The following FAT4 variants were observed in gnomAD, a reference collection of about 807,000 sequenced individuals.
FAT4 encodes protocadherin Fat 4.
FAT4 carries 84 observed loss-of-function variants against 303.9 expected under a neutral mutation model. That is an observed-to-expected ratio of 0.28 (90% CI 0.23 to 0.33). The LOEUF is 0.33. FAT4 is among the 10% of genes least tolerant of loss of function. The pLI, the probability that FAT4 is intolerant of heterozygous loss-of-function variation, is 1.00. For missense variants in FAT4, 6,005 were observed against 6,146.8 expected (o/e 0.98, Z 0.77); for synonymous variants, 2,307 against 2,298.8 (o/e 1.00, Z -0.10).
intron 2 of FAT4, among the ~76,000 whole-genome samples, chr4:125,360,028 G>A (rs1262770571): frequency 1.3e-5 from 2 of 152,066 alleles, no homozygotes; most frequent in African/African-American, 2.4e-5. Context: ...CTAAATTCAA[G>A]TGTCCTAAAC....
In FAT4 at chr4:125,319,370, C is replaced by T; in HGVS notation, c.2959C>T (p.His987Tyr). ...TAGTGTCATCTTAACAGTTTATGTC[C>T]ATGATGTAAATGACAATTCACCAGT... ...SSSVILTVYVHDVNDNSPVFD... is the reference protein window; with the variant it reads ...SSSVILTVYVYDVNDNSPVFD... Residue 987 changes from histidine (H) to tyrosine (Y), a missense_variant, in exon 2 of 18, where the codon CAT (histidine) becomes TAT (tyrosine). Coordinates refer to ENST00000394329, the MANE Select transcript of FAT4 (RefSeq NM_001291303.3). The T allele has an allele frequency of 6.2e-7, 1 of 1,612,032 alleles. No homozygotes were observed. Among genetic ancestry groups the T allele is most frequent in the Non-Finnish European group, 8.5e-7 (1 of 1,178,572 alleles).
intron 2 of FAT4, among the ~76,000 whole-genome samples, chr4:125,396,640 G>A (rs1468705247): frequency 2.6e-5 from 4 of 151,830 alleles, no homozygotes; most frequent in Non-Finnish European, 5.9e-5. Flanking sequence ...GCATGCATGC[G>A]AGCACACATG....
intron 2 of FAT4, among the ~76,000 whole-genome samples, chr4:125,396,308 T>TA (rs1044068846): frequency 6.6e-6 from 1 of 152,072 alleles, no homozygotes; most frequent in South Asian, 2.1e-4. Flanking sequence ...ACATATAACC[T>TA]AAAAAAATCA....
intron 2 of FAT4, among the ~76,000 whole-genome samples, chr4:125,329,174 T>A (rs2125955384): frequency 6.6e-6 from 1 of 152,292 alleles, no homozygotes; most frequent in African/African-American, 2.4e-5. Context: ...TTTTCTTCCC[T>A]TTGCAGCAAA....
rs139916054 is a variant in FAT4 at position 125,490,696 on chromosome 4, C to A, written c.13880C>A (p.Ala4627Asp). 1 of 1,614,012 alleles carries A rather than the reference C, an allele frequency of 6.2e-7. No individual in the cohort carries two copies. The highest frequency in any genetic ancestry group is 8.5e-7 in the Non-Finnish European group (1 of 1,180,026). ...ATAGAGCACTATGACATTGACAACG[C>A]CAGCAGCATCGCCCCTTCGGATGCA... is the stretch of plus-strand genomic sequence containing the variant. ...QEIEHYDIDN[A>D]SSIAPSDADI... Residue 4627 changes from alanine (A) to aspartate (D), a missense_variant, in exon 18 of 18, where the codon GCC becomes GAC. Physicochemically the swap from Ala to Asp is moderately radical, Grantham distance 126 (BLOSUM62 -2). Transcript: ENST00000394329.
intron 2 of FAT4, among the ~76,000 whole-genome samples, chr4:125,365,486 C>T (rs981674677): frequency 1.3e-5 from 2 of 152,128 alleles, no homozygotes; most frequent in African/African-American, 2.4e-5. Context: ...GTTTTGCTCT[C>T]TATTGTCTTT....
At chr4:125,489,868 T>TTTTTTTG in intron 17 of FAT4, 33 bp from the exon 18 acceptor site, 2 of 1,004,878 alleles carry the variant, frequency 2.0e-6, no homozygotes, top group South Asian at 3.6e-5. Flanking sequence ...TTTTTTTTTT[T>TTTTTTTG]GTAAAAAGCC....
intron 3 of FAT4, among the ~76,000 whole-genome samples, chr4:125,406,187 T>C (rs868518519): frequency 6.6e-6 from 1 of 152,190 alleles, no homozygotes; most frequent in Non-Finnish European, 1.5e-5. Context: ...TATTTGTGTA[T>C]AATGTATATT....
At position 125,414,918 on chromosome 4, in the gene FAT4, A is replaced by G; in HGVS notation, c.5955A>G (p.Ser1985=). 1 of 1,608,002 alleles carries G rather than the reference A, an allele frequency of 6.2e-7. No individual in the cohort carries two copies. The highest frequency in any genetic ancestry group is 8.5e-7 in the Non-Finnish European group (1 of 1,175,256). The part of the protein sequence containing the change: ...INSQLTYSIA[S]GDSLGQFTVD... ...CTCAATTGACTTATAGCATTGCTTC[A>G]GGTGATAGCCTTGGGCAGTTTACTG... Residue 1985 remains serine, a synonymous_variant, in exon 6 of 18, where the codon TCA becomes TCG. Transcript: ENST00000394329.
At chr4:125,387,705 A>G (rs575269236) in intron 2 of FAT4, among the ~76,000 whole-genome samples, 9 of 152,338 alleles carry the variant, frequency 5.9e-5, no homozygotes, top group Non-Finnish European at 1.2e-4. Context: ...AGGAAAAGGT[A>G]TTAATAGATT....
intron 16 of FAT4, among the ~76,000 whole-genome samples, chr4:125,482,850 T>A (rs1727275749): frequency 6.6e-6 from 1 of 152,212 alleles, no homozygotes; most frequent in South Asian, 2.1e-4. Flanking sequence ...TAAATATATT[T>A]AATAAGTAGT....
chr4:125,382,012 C>T lies in FAT4; in HGVS notation c.5176-16772C>T, dbSNP rs1408737750. The stretch of plus-strand genomic sequence containing the variant: ...TCTTGTGACTGTGGAAATTCAGTCA[C>T]ATCTTTTGGCTCTACTTCTAATTCT... On this transcript the variant is annotated intron_variant, in intron 2 of 17. Coordinates refer to ENST00000394329, the MANE Select transcript of FAT4 (RefSeq NM_001291303.3). 5.9e-5 allele frequency among the ~76,000 whole-genome samples: 9 copies of T among 152,282 alleles called. No individual in the cohort carries two copies. In the East Asian group the frequency reaches 1.5e-3, roughly 26 times the overall value.
chr4:125,431,486 C>T (rs1725282293), intron 7 of FAT4, among the ~76,000 whole-genome samples: 1 of 152,124 alleles, frequency 6.6e-6, no homozygotes, highest in African/African-American at 2.4e-5. Context: ...AGCTGTAATA[C>T]AGAAAACTAT....
rs1332280384 is a variant in FAT4, at chr4:125,318,215, C to T, written c.1804C>T (p.Leu602=). The T allele has an allele frequency of 6.2e-7, 1 of 1,614,212 alleles. No homozygotes were observed. Residue 602 remains leucine, a synonymous_variant, in exon 2 of 18, where the codon CTG becomes TTG. Transcript: ENST00000394329. The part of the protein sequence containing the change: ...VVENAPTGTE[L]LMLRATDGDL... ...TGAGAATGCCCCAACAGGGACAGAACTGTTGATGCTCAGGGCAACTGACGG... is the reference window on the plus strand; with the variant it reads ...TGAGAATGCCCCAACAGGGACAGAATTGTTGATGCTCAGGGCAACTGACGG...
intron 2 of FAT4, among the ~76,000 whole-genome samples, chr4:125,326,370 G>T (rs541964269): frequency 6.6e-6 from 1 of 151,788 alleles, no homozygotes; most frequent in Admixed American, 6.6e-5. Flanking sequence ...ACAGGCAAGA[G>T]AGCTGGATAT....
chr4:125,492,040 C>A lies in FAT4; in HGVS notation c.*272C>A. 1 of 376,640 alleles carries A rather than the reference C, an allele frequency of 2.7e-6. No individual in the cohort carries two copies. The allele number at this position is 376,640 out of a possible 1,614,324, so 23.3% of individuals were successfully genotyped here. ...GCATTTGGAAAATTTTTCTTATTTA[C>A]CAGTGTTTGATTTGTGATTTTTAAA... On this transcript the variant is annotated 3_prime_UTR_variant, in exon 18 of 18. Transcript: ENST00000394329.
At chr4:125,443,893 A>T (rs1244487285) in intron 8 of FAT4, among the ~76,000 whole-genome samples, 1 of 152,152 alleles carries the variant, frequency 6.6e-6, no homozygotes, top group East Asian at 1.9e-4. Flanking sequence ...TACAGAGCTT[A>T]TTGTGTTTCT....
At chr4:125,471,263 A>C (rs1192142421) in intron 12 of FAT4, among the ~76,000 whole-genome samples, 1 of 152,242 alleles carries the variant, frequency 6.6e-6, no homozygotes, top group Non-Finnish European at 1.5e-5. Context: ...AAATATTTGA[A>C]ATATTGTGAG....
intron 9 of FAT4, among the ~76,000 whole-genome samples, chr4:125,447,848 T>A (rs942896318): frequency 6.6e-6 from 1 of 152,094 alleles, no homozygotes; most frequent in Non-Finnish European, 1.5e-5. Flanking sequence ...ATTATTTTAA[T>A]TGGCTTATGT....
Sources: gnomAD v4.1 joint callset for allele counts (sites outside exome capture counted in the v4.1 genomes callset) on GRCh38, gnomAD v4.1.1 for gene constraint, MANE v1.5 for transcripts, NCBI Gene and HGNC (gene_info 2026-07-23, HGNC 2026-07-21) for gene names.